GALNT13: variants seen among roughly 807,000 people sequenced by gnomAD.
The protein encoded by GALNT13 is polypeptide N-acetylgalactosaminyltransferase 13, also known as UDP-GalNAc:polypeptide N-acetylgalactosaminyltransferase 13.
In GALNT13, 28 loss-of-function variants were observed where a neutral mutation model predicts 64.2. The observed-to-expected ratio is 0.44, with a 90% CI of 0.32 to 0.60. The LOEUF is 0.60. GALNT13 is among the 20% of genes least tolerant of loss of function. The pLI, the probability that GALNT13 is intolerant of heterozygous loss-of-function variation, is 0.05. For missense variants in GALNT13, 577 were observed against 669.8 expected (o/e 0.86, Z 1.53); for synonymous variants, 214 against 224.6 (o/e 0.95, Z 0.42).
At chr2:153,225,340 GACA>G in the GALNT13 span, among the ~76,000 whole-genome samples, 1 of 152,056 alleles carries the variant, frequency 6.6e-6, no homozygotes, top group Non-Finnish European at 1.5e-5. Flanking sequence ...GCAGATAAAG[GACA>G]ACCTGATAAA....
chr2:153,971,391 A>G (rs1693731004), intron 3 of GALNT13, among the ~76,000 whole-genome samples: 1 of 152,040 alleles, frequency 6.6e-6, no homozygotes, highest in Admixed American at 6.6e-5. Context: ...CCCAATAACA[A>G]TCCTGTAAGT....
intron 3 of GALNT13, among the ~76,000 whole-genome samples, chr2:154,098,279 A>G (rs1702175929): frequency 6.6e-6 from 1 of 151,910 alleles, no homozygotes; most frequent in Non-Finnish European, 1.5e-5. Flanking sequence ...CATGTAAACT[A>G]AGGTGTGTTT....
chr2:153,892,751 T>C (rs1468245297), intron 1 of GALNT13, among the ~76,000 whole-genome samples: 1 of 152,104 alleles, frequency 6.6e-6, no homozygotes, highest in African/African-American at 2.4e-5. Context: ...TCATTTTTAA[T>C]GTATCCTAAT....
the GALNT13 span, among the ~76,000 whole-genome samples, chr2:153,118,112 C>CACACACACAT: frequency 7.6e-5 from 11 of 145,490 alleles, no homozygotes; most frequent in South Asian, 2.2e-4. Context: ...TGTACCAACA[C>CACACACACAT]ACACACACAC....
At chr2:153,968,121 C>A (rs564496763) in intron 3 of GALNT13, among the ~76,000 whole-genome samples, 1 of 152,132 alleles carries the variant, frequency 6.6e-6, no homozygotes, top group African/African-American at 2.4e-5. Flanking sequence ...AAGTCCACTG[C>A]CTCTGAGACC....
chr2:153,462,639 C>T, the GALNT13 span, among the ~76,000 whole-genome samples: 1 of 152,102 alleles, frequency 6.6e-6, no homozygotes, highest in African/African-American at 2.4e-5. Flanking sequence ...TCATTTCACA[C>T]TCACCTTCCC....
At chr2:153,666,209 C>T in the GALNT13 span, among the ~76,000 whole-genome samples, 3 of 152,072 alleles carry the variant, frequency 2.0e-5, no homozygotes, top group African/African-American at 7.2e-5. Context: ...GGTGGGCCCT[C>T]ACCAGCACTC....
chr2:154,427,540 T>A (rs1412598704), intron 11 of GALNT13, among the ~76,000 whole-genome samples: 2 of 152,194 alleles, frequency 1.3e-5, no homozygotes. Context: ...AAATTAAGCA[T>A]CACATTGTTA....
the GALNT13 span, among the ~76,000 whole-genome samples, chr2:153,433,532 A>C: frequency 4.5e-4 from 69 of 152,174 alleles, no homozygotes; most frequent in Admixed American, 1.1e-3. Context: ...TCAAATAAAT[A>C]TTAACTATTC....
At chr2:153,280,738 G>A in the GALNT13 span, among the ~76,000 whole-genome samples, 8 of 152,080 alleles carry the variant, frequency 5.3e-5, no homozygotes, top group Non-Finnish European at 1.5e-5. Flanking sequence ...TGGTTGGTAT[G>A]ATTTTGATTT....
At chr2:153,214,995 C>T in the GALNT13 span, among the ~76,000 whole-genome samples, 1 of 151,948 alleles carries the variant, frequency 6.6e-6, no homozygotes, top group Non-Finnish European at 1.5e-5. Flanking sequence ...AGTTTGAATC[C>T]CCTTGAATCT....
intron 1 of GALNT13, among the ~76,000 whole-genome samples, chr2:153,882,529 C>G (rs969251497): frequency 3.8e-4 from 58 of 152,044 alleles, no homozygotes; most frequent in African/African-American, 1.4e-3. Context: ...GTCTTTAAGC[C>G]TAATGATCAG....
the GALNT13 span, among the ~76,000 whole-genome samples, chr2:153,435,604 T>G: frequency 2.9e-4 from 44 of 151,922 alleles, no homozygotes; most frequent in African/African-American, 8.2e-4. Flanking sequence ...GTGAATGGGA[T>G]TTCACTCATG....
the GALNT13 span, among the ~76,000 whole-genome samples, chr2:153,436,726 A>G: frequency 4.6e-5 from 7 of 151,440 alleles, no homozygotes; most frequent in African/African-American, 1.7e-4. Context: ...TCTTTTCTTT[A>G]TTAGTCTTGC....
At chr2:154,412,002 A>T (rs1699817676) in intron 11 of GALNT13, among the ~76,000 whole-genome samples, 1 of 151,826 alleles carries the variant, frequency 6.6e-6, no homozygotes, top group Admixed American at 6.6e-5. Context: ...TGCAATGTGT[A>T]TTGATCCATT....
chr2:153,071,423 A>G, the GALNT13 span, among the ~76,000 whole-genome samples: 2 of 152,222 alleles, frequency 1.3e-5, no homozygotes, highest in South Asian at 2.1e-4. Context: ...GCACAGGATA[A>G]TCAGCCAACA....
At chr2:153,394,375 TA>T in the GALNT13 span, among the ~76,000 whole-genome samples, 2 of 152,168 alleles carry the variant, frequency 1.3e-5, no homozygotes, top group Non-Finnish European at 2.9e-5. Context: ...AATACCATTT[TA>T]AACCTTGGCA....
At chr2:153,485,226 C>T in the GALNT13 span, among the ~76,000 whole-genome samples, 1 of 152,080 alleles carries the variant, frequency 6.6e-6, no homozygotes, top group Non-Finnish European at 1.5e-5. Context: ...GATATATTAA[C>T]CTTTTCGTAA....
At chr2:153,646,798 A>G in the GALNT13 span, among the ~76,000 whole-genome samples, 184 of 151,954 alleles carry the variant, frequency 1.2e-3, 4 homozygotes, top group East Asian at 0.026. Context: ...TGAACTCCTC[A>G]TTTTTTATGG....
Sources: gnomAD v4.1 joint callset for allele counts (sites outside exome capture counted in the v4.1 genomes callset) on GRCh38, gnomAD v4.1.1 for gene constraint, MANE v1.5 for transcripts, NCBI Gene and HGNC (gene_info 2026-07-23, HGNC 2026-07-21) for gene names.